The following CNTLN variants were observed in gnomAD, a reference collection of about 807,000 sequenced individuals.
CNTLN encodes centlein, centrosomal protein.
In CNTLN, 212 loss-of-function variants were observed where a neutral mutation model predicts 180.0. The observed-to-expected ratio is 1.18, with a 90% CI of 1.05 to 1.32. The LOEUF (loss-of-function observed/expected upper bound fraction) is 1.32. Ranked by LOEUF, CNTLN falls within the 40% of genes most tolerant of loss-of-function variation. CNTLN has a pLI of 0.00. For missense variants in CNTLN, 2,095 were observed against 1,610.9 expected (o/e 1.30, Z -5.14); for synonymous variants, 722 against 563.1 (o/e 1.28, Z -3.99).
intron 2 of CNTLN, among the ~76,000 whole-genome samples, chr9:17,206,083 T>C (rs1471033495): frequency 6.6e-6 from 1 of 152,152 alleles, no homozygotes; most frequent in Non-Finnish European, 1.5e-5. Context: ...CCAACTGCCG[T>C]CAGTGCTGGG....
chr9:17,196,119 G>A (rs1378594381), intron 2 of CNTLN, among the ~76,000 whole-genome samples: 1 of 152,058 alleles, frequency 6.6e-6, no homozygotes, highest in East Asian at 1.9e-4. Context: ...CGCCTCCCAG[G>A]TTCAAGCAGT....
chr9:17,269,810 T>C (rs1429231454), intron 5 of CNTLN, among the ~76,000 whole-genome samples: 4 of 152,168 alleles, frequency 2.6e-5, no homozygotes, highest in African/African-American at 9.6e-5. Flanking sequence ...TATTTCATTA[T>C]TTTGGTTCTA....
intron 25 of CNTLN, among the ~76,000 whole-genome samples, chr9:17,488,993 A>T (rs139265872): frequency 7.6e-4 from 116 of 152,132 alleles, no homozygotes; most frequent in African/African-American, 2.7e-3. Flanking sequence ...AAAGTCAAAG[A>T]CTTTTTATTT....
chr9:17,138,590 T>C (rs1350228884), intron 1 of CNTLN, among the ~76,000 whole-genome samples: 1 of 152,214 alleles, frequency 6.6e-6, no homozygotes, highest in Non-Finnish European at 1.5e-5. Context: ...TGTTTGTAGC[T>C]GTATTCTACT....
intron 19 of CNTLN, among the ~76,000 whole-genome samples, chr9:17,458,242 A>G (rs1188093463): frequency 2.6e-4 from 39 of 151,920 alleles, no homozygotes; most frequent in Admixed American, 2.6e-3. Context: ...AAAGAATCTA[A>G]GACCAAGCGA....
chr9:17,476,356 C>A (rs947183353), intron 23 of CNTLN, among the ~76,000 whole-genome samples: 2 of 152,240 alleles, frequency 1.3e-5, no homozygotes, highest in South Asian at 4.2e-4. Flanking sequence ...CTGTAGTGAC[C>A]TCTAAGTGTT....
Position 17,484,411 on chromosome 9 carries a change from C to T in CNTLN, c.3972C>T (p.Thr1324=). The T allele has an allele frequency of 6.2e-7, 1 of 1,611,870 alleles. No homozygotes were observed. Among genetic ancestry groups the T allele is most frequent in the African/African-American group, 1.3e-5 (1 of 74,738 alleles). ...ACKTSTHKAQ[T]LAASILNISR... ...AAACCTCAACCCATAAAGCCCAGAC[C>T]TTGGCAGCTTCTATCCTGAACATTT... Residue 1324 remains threonine (T), a synonymous_variant, in exon 24 of 26, where the codon ACC becomes ACT. Coordinates refer to ENST00000380647, the MANE Select transcript of CNTLN (RefSeq NM_017738.4).
intron 12 of CNTLN, among the ~76,000 whole-genome samples, chr9:17,359,003 C>T (rs1019240810): frequency 6.6e-6 from 1 of 151,618 alleles, no homozygotes; most frequent in Admixed American, 6.6e-5. Context: ...ATTTATTCCT[C>T]TCCTCTCCCC....
At chr9:17,235,912 T>A in intron 4 of CNTLN, 120 bp downstream of exon 4, 3 of 928,904 alleles carry the variant, frequency 3.2e-6, no homozygotes, top group South Asian at 4.2e-5. Context: ...TAGGCCCTCC[T>A]GTACCATACA....
intron 13 of CNTLN, among the ~76,000 whole-genome samples, chr9:17,384,636 A>T (rs1467097812): frequency 6.6e-6 from 1 of 152,068 alleles, no homozygotes; most frequent in African/African-American, 2.4e-5. Context: ...CTCGGAGGAG[A>T]TGGGTTCTAA....
At chr9:17,283,325 T>C (rs1477381029) in intron 6 of CNTLN, among the ~76,000 whole-genome samples, 1 of 152,156 alleles carries the variant, frequency 6.6e-6, no homozygotes, top group Non-Finnish European at 1.5e-5. Flanking sequence ...TCTTGTTAGC[T>C]GTATTCCTAG....
At chr9:17,294,930 G>C (rs1386265553) in intron 6 of CNTLN, among the ~76,000 whole-genome samples, 16 of 126,918 alleles carry the variant, frequency 1.3e-4, no homozygotes, top group Admixed American at 2.3e-4. Flanking sequence ...TGGGGGGAGG[G>C]CGGGGGAGGC....
intron 12 of CNTLN, among the ~76,000 whole-genome samples, chr9:17,362,263 C>A (rs1053086888): frequency 6.6e-6 from 1 of 152,100 alleles, no homozygotes; most frequent in African/African-American, 2.4e-5. Flanking sequence ...CTTTGTGGGG[C>A]CATCTTGCTT....
At chr9:17,345,398 A>C (rs1476650474) in intron 12 of CNTLN, among the ~76,000 whole-genome samples, 3 of 149,700 alleles carry the variant, frequency 2.0e-5, no homozygotes, top group Non-Finnish European at 4.5e-5. Flanking sequence ...GATAGAGCTA[A>C]GTCTGCCATG....
At chr9:17,267,233 G>A (rs1297805113) in intron 5 of CNTLN, among the ~76,000 whole-genome samples, 3 of 152,160 alleles carry the variant, frequency 2.0e-5, no homozygotes, top group African/African-American at 2.4e-5. Flanking sequence ...GGGCAGGCCT[G>A]GTGGTGACAA....
intron 6 of CNTLN, among the ~76,000 whole-genome samples, chr9:17,296,245 T>C (rs942638703): frequency 6.6e-6 from 1 of 151,976 alleles, no homozygotes; most frequent in Non-Finnish European, 1.5e-5. Flanking sequence ...AGGTGATCCA[T>C]CTACCTCAGG....
rs1283181912 is a variant in CNTLN at position 17,415,997 on chromosome 9, C to G, written c.2922C>G (p.Ala974=). Residue 974 remains alanine (A), a synonymous_variant, in exon 18 of 26, where the codon GCC becomes GCG. Coordinates refer to ENST00000380647, the MANE Select transcript of CNTLN (RefSeq NM_017738.4). The stretch of plus-strand genomic sequence containing the variant: ...GAGAAAAGTACAAAAATATAACTGC[C>G]CAGAAATCAAGTAGCAATATTATTT... ...VNREKYKNIT[A]QKSSSNIILL... 6.2e-7 allele frequency: 1 copy of G among 1,611,716 alleles called. No homozygotes were observed. The highest frequency in any genetic ancestry group is 8.5e-7 in the Non-Finnish European group (1 of 1,179,228).
At chr9:17,140,597 T>C (rs575028510) in intron 1 of CNTLN, among the ~76,000 whole-genome samples, 4 of 152,236 alleles carry the variant, frequency 2.6e-5, no homozygotes, top group South Asian at 2.1e-4. Flanking sequence ...TATTCCACTA[T>C]GGCTAGCTAA....
At chr9:17,177,440 A>G (rs1447307132) in intron 2 of CNTLN, among the ~76,000 whole-genome samples, 1 of 152,146 alleles carries the variant, frequency 6.6e-6, no homozygotes, top group African/African-American at 2.4e-5. Context: ...AGTTTCTTGA[A>G]GTGGAAATGT....
Sources: gnomAD v4.1 joint callset for allele counts (sites outside exome capture counted in the v4.1 genomes callset) on GRCh38, gnomAD v4.1.1 for gene constraint, MANE v1.5 for transcripts, NCBI Gene and HGNC (gene_info 2026-07-23, HGNC 2026-07-21) for gene names.